The following MROH1 variants were observed in gnomAD, a reference collection of about 807,000 sequenced individuals.
The protein encoded by MROH1 is maestro heat like repeat family member 1.
In MROH1, 117 loss-of-function variants were observed where a neutral mutation model predicts 116.5. That is an observed-to-expected ratio of 1.00 (90% CI 0.86 to 1.17). The LOEUF is 1.17. MROH1 is among the 50% of genes most tolerant of loss of function. MROH1 has a pLI of 0.00. For synonymous variants in MROH1, 921 were observed against 583.9 expected (o/e 1.58, Z -8.32); for missense variants, 1,873 against 1,338.5 (o/e 1.40, Z -6.23).
intron 18 of MROH1, 123 bp downstream of exon 18, chr8:144,239,878 T>C: frequency 1.5e-6 from 1 of 675,990 alleles, no homozygotes; most frequent in Non-Finnish European, 2.7e-6. Flanking sequence ...GGGACTAGGG[T>C]TGTATAATTG....
chr8:144,168,266 AGCAT>A (rs779140464), intron 3 of MROH1, 25 bp from the exon 4 acceptor site: 5 of 1,562,006 alleles, frequency 3.2e-6, no homozygotes, highest in Non-Finnish European at 3.4e-6. Context: ...CTTGGGCCTG[AGCAT>A]GCTAACCAGG....
At chr8:144,227,692 G>A (rs1838059797) in intron 14 of MROH1, among the ~76,000 whole-genome samples, 1 of 152,080 alleles carries the variant, frequency 6.6e-6, no homozygotes, top group African/African-American at 2.4e-5. Context: ...GCTCACACCT[G>A]TAATCCCAGC....
intron 35 of MROH1, among the ~76,000 whole-genome samples, chr8:144,256,934 T>C (rs1843956694): frequency 6.6e-6 from 1 of 152,106 alleles, no homozygotes; most frequent in African/African-American, 2.4e-5. Flanking sequence ...TGGAGCAGGG[T>C]GTGGAGCTGG....
In MROH1 at chr8:144,180,744, C is replaced by G. The variant is rs1338694981; in HGVS notation, c.562+221C>G. 2.6e-5 allele frequency among the ~76,000 whole-genome samples: 4 copies of G among 152,146 alleles called. No homozygotes were observed. The highest frequency in any genetic ancestry group is 5.9e-5 in the Non-Finnish European group (4 of 68,006). Reference sequence around the variant, plus strand: ...TTTCTCTCTACTCCTGGAGAGCCCCCCACCTTACATTGTGGGTCCACTGAG... The same window carrying G: ...TTTCTCTCTACTCCTGGAGAGCCCCGCACCTTACATTGTGGGTCCACTGAG... On this transcript the variant is annotated intron_variant, in intron 7 of 43. Coordinates refer to ENST00000326134, the MANE Select transcript of MROH1 (RefSeq NM_032450.3). The surrounding 1 kb of genome is among the most constrained non-coding windows in gnomAD (Gnocchi z 7.4).
At chr8:144,192,972 G>C (rs897099302) in intron 10 of MROH1, 1 of 233,360 alleles carries the variant, frequency 4.3e-6, no homozygotes, top group African/African-American at 2.4e-5. Flanking sequence ...GAGAGGAGAG[G>C]GGCAGGGAGC....
chr8:144,245,244 A>C lies in MROH1; in HGVS notation c.2855A>C (p.Glu952Ala), dbSNP rs1841689110. The C allele has an allele frequency of 1.5e-5, 12 of 778,472 alleles. No homozygotes were observed. In the Middle Eastern group the frequency reaches 1.4e-3, roughly 88 times the overall value. The allele number at this position is 778,472 out of a possible 1,614,324, so 48.2% of individuals were successfully genotyped here. A position where few individuals can be genotyped will look rare whatever the true frequency, so the allele number is the denominator to read the frequency against. The change falls in exon 29 of 44, where the codon GAG becomes GCG. Residue 952 changes from glutamate (E) to alanine (A), a missense_variant. Transcript: ENST00000326134. ...LSALLLRYFLEHLRVSALVPF... is the reference protein window; with the variant it reads ...LSALLLRYFLAHLRVSALVPF... Reference sequence around the variant, plus strand: ...GCCCTCCTGCTGCGCTACTTCCTGGAGCACCTGCGTGTCAGCGTGAGTACC... The same window carrying C: ...GCCCTCCTGCTGCGCTACTTCCTGGCGCACCTGCGTGTCAGCGTGAGTACC...
rs1233039987 is a variant in MROH1, at chr8:144,161,092, G to A, written c.-57+3G>A. 6.5e-6 allele frequency: 1 copy of A among 152,716 alleles called. No homozygotes were observed. The highest frequency in any genetic ancestry group is 1.5e-5 in the Non-Finnish European group (1 of 68,116). 9.5% of individuals were successfully genotyped at this position (152,716 alleles called of 1,614,324 possible). A position where few individuals can be genotyped will look rare whatever the true frequency, so the allele number is the denominator to read the frequency against. On this transcript the variant is annotated splice_donor_region_variant and intron_variant, in intron 2 of 43. Coordinates refer to ENST00000326134, the MANE Select transcript of MROH1 (RefSeq NM_032450.3). ...TCCTCCAAGCCAGCAGTTGTGGGGT[G>A]AGTCCTTCTCACGCTTCAAATTTCT...
chr8:144,258,365 G>A (rs1844315803), intron 35 of MROH1, among the ~76,000 whole-genome samples: 1 of 152,256 alleles, frequency 6.6e-6, no homozygotes, highest in East Asian at 1.9e-4. Context: ...CCAGAGGGCT[G>A]TGGAGTCTCC....
Position 144,244,455 on chromosome 8 carries a change from G to T in MROH1, c.2682G>T (p.Leu894=). ...EDGGCQKSLY[L]ETLHALEDLL... The stretch of plus-strand genomic sequence containing the variant: ...GGCTCTCCTTCCAGTCCCTGTATCT[G>T]GAGACACTGCACGCCCTTGAGGATC... Residue 894 remains leucine (L), a synonymous_variant, in exon 28 of 44, where the codon CTG becomes CTT. Coordinates refer to ENST00000326134, the MANE Select transcript of MROH1 (RefSeq NM_032450.3). 1 of 766,920 alleles carries T rather than the reference G, an allele frequency of 1.3e-6. No individual in the cohort carries two copies. The highest frequency in any genetic ancestry group is 2.4e-6 in the Non-Finnish European group (1 of 411,436). 47.5% of individuals were successfully genotyped at this position (766,920 alleles called of 1,614,324 possible).
chr8:144,152,318 A>G (rs887347633), intron 1 of MROH1, among the ~76,000 whole-genome samples: 2 of 152,212 alleles, frequency 1.3e-5, no homozygotes, highest in Admixed American at 6.5e-5. Flanking sequence ...TACTATGTTA[A>G]TATCAGGCAA....
intron 43 of MROH1, 101 bp from the exon 44 acceptor site, chr8:144,261,554 C>G: frequency 1.4e-6 from 1 of 696,956 alleles, no homozygotes; most frequent in Non-Finnish European, 2.6e-6. Flanking sequence ...CCGTTGGCTC[C>G]TGAGCCTCCC....
At chr8:144,192,064 A>C (rs543427854) in intron 9 of MROH1, among the ~76,000 whole-genome samples, 1 of 152,104 alleles carries the variant, frequency 6.6e-6, no homozygotes, top group Non-Finnish European at 1.5e-5. Context: ...GGTGCCAGGA[A>C]CCTGGGCCTC....
Position 144,243,948 on chromosome 8 carries a change from C to T in MROH1, c.2555+6C>T. The T allele has an allele frequency of 1.3e-6, 1 of 779,934 alleles. No individual in the cohort carries two copies. The highest frequency in any genetic ancestry group is 2.4e-6 in the Non-Finnish European group (1 of 417,516). The allele number at this position is 779,934 out of a possible 1,614,324, so 48.3% of individuals were successfully genotyped here. A position where few individuals can be genotyped will look rare whatever the true frequency, so the allele number is the denominator to read the frequency against. On this transcript the variant is annotated splice_donor_region_variant and intron_variant, in intron 26 of 43. Transcript: ENST00000326134. ...CTCACCTGCACTTACTTGGTGTATC[C>T]TTTCCTGCCTCTGCACAGGCCCGTG... is the stretch of plus-strand genomic sequence containing the variant.
intron 32 of MROH1, 43 bp downstream of exon 32, chr8:144,249,072 G>T: frequency 1.4e-6 from 1 of 713,012 alleles, no homozygotes; most frequent in South Asian, 1.5e-5. Flanking sequence ...GGAGAAGGTG[G>T]GAGAGGGCGC....
intron 13 of MROH1, among the ~76,000 whole-genome samples, chr8:144,221,910 C>T (rs1836835535): frequency 6.6e-6 from 1 of 152,102 alleles, no homozygotes; most frequent in Non-Finnish European, 1.5e-5. Context: ...AAAGGATCCC[C>T]AGGGAGGGCA....
intron 14 of MROH1, among the ~76,000 whole-genome samples, chr8:144,224,740 G>T (rs1837475509): frequency 6.6e-6 from 1 of 152,176 alleles, no homozygotes; most frequent in African/African-American, 2.4e-5. Flanking sequence ...AGACAAGTGG[G>T]CCTTGGGGTG....
chr8:144,191,676 C>T (rs746813154), intron 8 of MROH1, 39 bp from the exon 9 acceptor site: 2 of 1,607,110 alleles, frequency 1.2e-6, no homozygotes, highest in African/African-American at 1.3e-5. Context: ...TCGGTGTTGA[C>T]TGAGCAGCGT....
intron 12 of MROH1, chr8:144,213,068 C>T (rs368703338): frequency 7.6e-5 from 59 of 779,222 alleles, no homozygotes; most frequent in Admixed American, 5.1e-5. Flanking sequence ...CTGCCCTGCA[C>T]GTGCTGCTCC....
chr8:144,241,314 C>T, intron 21 of MROH1, 81 bp from the exon 22 acceptor site: 1 of 712,070 alleles, frequency 1.4e-6, no homozygotes, highest in East Asian at 2.7e-5. Flanking sequence ...GTGGGTGTGC[C>T]CGTGTCCACA....
Sources: allele counts gnomAD v4.1 joint callset (sites outside exome capture counted in the v4.1 genomes callset), GRCh38; gene constraint gnomAD v4.1.1; non-coding constraint Gnocchi (gnomAD v3.1); transcripts MANE v1.5; gene names NCBI Gene and HGNC (gene_info 2026-07-23, HGNC 2026-07-21).